VAC14: variants seen among roughly 807,000 people sequenced by gnomAD.
The protein encoded by VAC14 is protein VAC14 homolog.
VAC14 carries 47 observed loss-of-function variants against 85.3 expected under a neutral mutation model. The observed-to-expected ratio is 0.55, with a 90% CI of 0.44 to 0.70. VAC14 has a LOEUF of 0.70. Among genes scored for constraint, VAC14 ranks in the 30% least tolerant of loss-of-function variants. The pLI, the probability that VAC14 is intolerant of heterozygous loss-of-function variation, is 0.00. For synonymous variants in VAC14, 447 were observed against 430.5 expected (o/e 1.04, Z -0.47); for missense variants, 861 against 1,004.3 (o/e 0.86, Z 1.93).
chr16:70,703,141 A>G (rs1439868680), intron 14 of VAC14, among the ~76,000 whole-genome samples: 1 of 152,236 alleles, frequency 6.6e-6, no homozygotes, highest in African/African-American at 2.4e-5. Flanking sequence ...GGGCTGCTGC[A>G]TCATCACTTC....
chr16:70,786,222 A>G lies in VAC14; in HGVS notation c.248T>C (p.Leu83Pro). The change falls in exon 2 of 19, where the codon CTG becomes CCG. Residue 83 changes from leucine (L) to proline (P), a missense_variant. Physicochemically the swap from Leu to Pro is moderately conservative, Grantham distance 98. This residue lies in a region of VAC14 where 629 missense variants were observed against 703.1 expected (regional missense o/e 0.89). Coordinates refer to ENST00000261776, the MANE Select transcript of VAC14 (RefSeq NM_018052.5). Reference protein sequence around the residue: ...LIGLAACSIALGKDSGLYLKE... With the variant: ...LIGLAACSIAPGKDSGLYLKE... ...CTTGGGTGAAAGGCCCACCTTGCCCAGTGCGATGGAGCAGGCGGCCAGGCC... is the reference window on the plus strand; with the variant it reads ...CTTGGGTGAAAGGCCCACCTTGCCCGGTGCGATGGAGCAGGCGGCCAGGCC... The G allele has an allele frequency of 6.2e-7, 1 of 1,614,098 alleles. No homozygotes were observed. The highest frequency in any genetic ancestry group is 8.5e-7 in the Non-Finnish European group (1 of 1,179,978).
chr16:70,691,977 G>A, intron 18 of VAC14: 1 of 985,110 alleles, frequency 1.0e-6, no homozygotes, highest in Non-Finnish European at 1.2e-6. Flanking sequence ...GACACACAGG[G>A]CATCTGATGC....
At chr16:70,760,675 G>GC (rs1309777099) in intron 12 of VAC14, among the ~76,000 whole-genome samples, 3 of 152,142 alleles carry the variant, frequency 2.0e-5, no homozygotes, top group African/African-American at 7.2e-5. Flanking sequence ...CCTGAACAGC[G>GC]CTGTTTAATG....
intron 12 of VAC14, among the ~76,000 whole-genome samples, chr16:70,760,964 T>A (rs111637862): frequency 1.9e-5 from 1 of 51,570 alleles, no homozygotes; most frequent in African/African-American, 1.1e-4. Context: ...GAAGAGAGGG[T>A]GTGTGTGTGT....
At chr16:70,732,518 G>A (rs922958471) in intron 13 of VAC14, among the ~76,000 whole-genome samples, 3 of 152,152 alleles carry the variant, frequency 2.0e-5, no homozygotes, top group South Asian at 2.1e-4. Flanking sequence ...CTGGGGTAGC[G>A]TATCTGTATG....
In VAC14 at chr16:70,697,255, C is replaced by G; in HGVS notation, c.1839G>C (p.Glu613Asp). ...RNQLKDLKTL[E>D]SQNLFCCLYR... ...ACAGGCAGCAGAACAGGTTCTGGCT[C>G]TCCTGTGGGGGAACAGGCATGAGCC... Residue 613 changes from glutamate to aspartate, a missense_variant and splice_region_variant, in exon 16 of 19, where the codon GAG becomes GAC. Physicochemically the swap from Glu to Asp is conservative, Grantham distance 45. Coordinates refer to ENST00000261776, the MANE Select transcript of VAC14 (RefSeq NM_018052.5). 1 of 1,613,348 alleles carries G rather than the reference C, an allele frequency of 6.2e-7. No homozygotes were observed. Among genetic ancestry groups the G allele is most frequent in the Non-Finnish European group, 8.5e-7 (1 of 1,179,550 alleles).
intron 13 of VAC14, among the ~76,000 whole-genome samples, chr16:70,733,528 G>A (rs1186967170): frequency 6.6e-6 from 1 of 152,014 alleles, no homozygotes; most frequent in African/African-American, 2.4e-5. Flanking sequence ...GAGGTTACTG[G>A]ATGATGGGGG....
rs753498909 is a variant in VAC14, at chr16:70,783,021, C to G, written c.811+12G>C. The G allele has an allele frequency of 2.5e-6, 4 of 1,613,056 alleles. No individual in the cohort carries two copies. In the East Asian group the frequency reaches 8.9e-5, roughly 36 times the overall value. On this transcript the variant is annotated intron_variant, in intron 7 of 18. Coordinates refer to ENST00000261776, the MANE Select transcript of VAC14 (RefSeq NM_018052.5). ...TGGCAGCCGTGGCTGTGGGCCCTCC[C>G]CCAATACTCACCTGTTGTCTGGCAG...
At chr16:70,712,483 G>A (rs953914997) in intron 14 of VAC14, among the ~76,000 whole-genome samples, 2 of 152,126 alleles carry the variant, frequency 1.3e-5, no homozygotes, top group Non-Finnish European at 2.9e-5. Context: ...CTGAGCCATT[G>A]GGCTCAGGCT....
intron 9 of VAC14, chr16:70,773,206 T>C (rs2033335829): frequency 6.6e-6 from 1 of 152,146 alleles, no homozygotes. Flanking sequence ...GTTGGGTGAA[T>C]TGTGTGGTAC....
At chr16:70,697,026 G>T (rs1439425229) in intron 16 of VAC14, 113 bp downstream of exon 16, 26 of 787,460 alleles carry the variant, frequency 3.3e-5, no homozygotes, top group Non-Finnish European at 5.6e-5. Context: ...GCTGAGTGGA[G>T]GGGTGGGGAC....
intron 16 of VAC14, among the ~76,000 whole-genome samples, chr16:70,696,250 C>T (rs2053707142): frequency 6.6e-6 from 1 of 152,178 alleles, no homozygotes; most frequent in African/African-American, 2.4e-5. Context: ...CGGTGGCTCA[C>T]ACCTGTAATC....
At chr16:70,730,594 C>CT (rs34654239) in intron 14 of VAC14, among the ~76,000 whole-genome samples, 8,614 of 106,532 alleles carry the variant, frequency 0.081, 1,478 homozygotes, top group African/African-American at 0.3. Flanking sequence ...GAGGCCCAGG[C>CT]TTTTTTTTTT....
chr16:70,756,391 T>G (rs772443703), intron 12 of VAC14, among the ~76,000 whole-genome samples: 6 of 152,102 alleles, frequency 3.9e-5, no homozygotes, highest in Non-Finnish European at 7.4e-5. Flanking sequence ...CCTCCTGAGT[T>G]TTTCCGATCC....
chr16:70,719,817 C>T (rs1460102654), intron 14 of VAC14, among the ~76,000 whole-genome samples: 1 of 152,118 alleles, frequency 6.6e-6, no homozygotes, highest in Non-Finnish European at 1.5e-5. Context: ...CCTCCCTAAG[C>T]CCATGGTATG....
Position 70,692,969 on chromosome 16 carries a change from G to T in VAC14, c.2038C>A (p.Leu680Met). 8 of 1,610,486 alleles carry T rather than the reference G, an allele frequency of 5.0e-6. No homozygotes were observed. The highest frequency in any genetic ancestry group is 5.9e-6 in the Non-Finnish European group (7 of 1,179,218). ...TTCACGTCCAGCAGCTGCAGGCGCA[G>T]ATCTGGGGTAGGCAGAGGGCAGGGG... ...QLIECPIFTYLRLQLLDVKNN... is the reference protein window; with the variant it reads ...QLIECPIFTYMRLQLLDVKNN... The change falls in exon 18 of 19, where the codon CTG becomes ATG. Residue 680 changes from leucine (L) to methionine (M), a missense_variant and splice_region_variant. Coordinates refer to ENST00000261776, the MANE Select transcript of VAC14 (RefSeq NM_018052.5).
At chr16:70,694,589 G>A (rs567367043) in intron 17 of VAC14, among the ~76,000 whole-genome samples, 40 of 152,228 alleles carry the variant, frequency 2.6e-4, no homozygotes, top group Non-Finnish European at 3.1e-4. Flanking sequence ...TAGGCCGGGC[G>A]GGTCAGAGAC....
At position 70,687,865 on chromosome 16, in the gene VAC14, G is replaced by T; in HGVS notation, c.*63C>A. On this transcript the variant is annotated 3_prime_UTR_variant, in exon 19 of 19. Coordinates refer to ENST00000261776, the MANE Select transcript of VAC14 (RefSeq NM_018052.5). ...AGGCAGGTCCTTGAGCTCCTCGGGA[G>T]GGCGTGACGACCCTTAGTGTTTCAT... is the stretch of plus-strand genomic sequence containing the variant. The T allele has an allele frequency of 7.2e-7, 1 of 1,385,114 alleles. No individual in the cohort carries two copies. 85.8% of individuals were successfully genotyped at this position (1,385,114 alleles called of 1,614,324 possible). A position where few individuals can be genotyped will look rare whatever the true frequency, so the allele number is the denominator to read the frequency against.
At chr16:70,765,208 C>T (rs746940523) in intron 10 of VAC14, among the ~76,000 whole-genome samples, 5 of 152,176 alleles carry the variant, frequency 3.3e-5, no homozygotes, top group African/African-American at 7.2e-5. Flanking sequence ...ACGAGGACCC[C>T]GTGCCTGGCA....
Sources: allele counts gnomAD v4.1 joint callset (sites outside exome capture counted in the v4.1 genomes callset), GRCh38; gene constraint gnomAD v4.1.1; regional missense constraint gnomAD v4.1.1; transcripts MANE v1.5; gene names NCBI Gene and HGNC (gene_info 2026-07-23, HGNC 2026-07-21).